The following VPS13C variants were observed in gnomAD, a reference collection of about 807,000 sequenced individuals.
VPS13C encodes intermembrane lipid transfer protein VPS13C.
In VPS13C, 358 loss-of-function variants were observed where a neutral mutation model predicts 456.8. The observed-to-expected ratio is 0.78, with a 90% confidence interval of 0.72 to 0.86. VPS13C has a LOEUF of 0.86. VPS13C is among the 40% of genes least tolerant of loss of function. VPS13C has a pLI of 0.00. For missense variants in VPS13C, 4,818 were observed against 4,385.4 expected, an observed-to-expected ratio of 1.10 and a Z score of -2.79; for synonymous variants, 1,578 against 1,486.7, an observed-to-expected ratio of 1.06 and a Z score of -1.41.
chr15:61,875,425 T>G (rs1269345664), intron 76 of VPS13C, among the ~76,000 whole-genome samples: 2 of 152,004 alleles, frequency 1.3e-5, no homozygotes, highest in African/African-American at 4.8e-5. Flanking sequence ...AAACTTTGCT[T>G]TCAGTGCCCT....
intron 5 of VPS13C, among the ~76,000 whole-genome samples, chr15:62,029,842 T>C (rs1327549139): frequency 2.0e-5 from 3 of 152,196 alleles, no homozygotes; most frequent in African/African-American, 7.2e-5. Context: ...AGTGTAGAAG[T>C]AAAACACAAA....
intron 3 of VPS13C, among the ~76,000 whole-genome samples, chr15:62,039,905 C>G (rs191164203): frequency 3.9e-4 from 60 of 152,244 alleles, no homozygotes; most frequent in Middle Eastern, 3.4e-3. Flanking sequence ...GATACCTATA[C>G]TCTCATGTTT....
chr15:61,994,750 C>T (rs180710278), intron 16 of VPS13C, among the ~76,000 whole-genome samples: 8 of 151,992 alleles, frequency 5.3e-5, no homozygotes, highest in Admixed American at 2.6e-4. Flanking sequence ...CCACCACACC[C>T]GGCTAATTTT....
intron 9 of VPS13C, among the ~76,000 whole-genome samples, chr15:62,015,501 C>G (rs2047202546): frequency 6.6e-6 from 1 of 150,768 alleles, no homozygotes; most frequent in South Asian, 2.1e-4. Context: ...GCACTATTCA[C>G]AATAGCAAAG....
intron 66 of VPS13C, among the ~76,000 whole-genome samples, chr15:61,894,577 A>G (rs2042748981): frequency 6.6e-6 from 1 of 152,140 alleles, no homozygotes; most frequent in South Asian, 2.1e-4. Flanking sequence ...AAAAAAGAGT[A>G]GGAGTAGCTA....
chr15:62,059,957 G>A (rs2048939363), intron 1 of VPS13C, among the ~76,000 whole-genome samples: 1 of 152,228 alleles, frequency 6.6e-6, no homozygotes, highest in Non-Finnish European at 1.5e-5. Flanking sequence ...AGGGCCAAAG[G>A]GGCCACCCTG....
chr15:62,012,037 T>C (rs1428238251), intron 12 of VPS13C, 70 bp downstream of exon 12: 9 of 953,576 alleles, frequency 9.4e-6, no homozygotes, highest in African/African-American at 1.7e-5. Context: ...ATCAGAAAAC[T>C]ATGTTAAAAT....
intron 65 of VPS13C, among the ~76,000 whole-genome samples, chr15:61,907,701 G>T (rs552881436): frequency 6.6e-6 from 1 of 152,338 alleles, no homozygotes; most frequent in South Asian, 2.1e-4. Context: ...TGGCTGTGAA[G>T]AGGAAATATG....
intron 1 of VPS13C, among the ~76,000 whole-genome samples, chr15:62,050,530 G>A (rs924888167): frequency 2.6e-5 from 4 of 152,198 alleles, no homozygotes; most frequent in South Asian, 2.1e-4. Context: ...GCAGTGAGTG[G>A]CTCATGCCTG....
intron 61 of VPS13C, among the ~76,000 whole-genome samples, chr15:61,914,956 C>T (rs544291259): frequency 7.0e-6 from 1 of 142,700 alleles, no homozygotes; most frequent in South Asian, 2.4e-4. Context: ...AGAACCACTA[C>T]TCCTGTACAA....
intron 66 of VPS13C, among the ~76,000 whole-genome samples, chr15:61,902,275 A>C (rs1280176734): frequency 1.3e-5 from 2 of 151,718 alleles, no homozygotes; most frequent in African/African-American, 2.4e-5. Context: ...AAAAGAAAAA[A>C]AACGTAAAAA....
intron 8 of VPS13C, 63 bp downstream of exon 8, chr15:62,023,347 GA>G (rs2047527582): frequency 9.8e-7 from 1 of 1,019,040 alleles, no homozygotes; most frequent in African/African-American, 1.7e-5. Context: ...TCCACATATA[GA>G]AAAGTCAAGA....
In VPS13C at chr15:61,991,767, A is replaced by C. The variant is rs764901519; in HGVS notation, c.1389T>G (p.Ser463=). ...CTCCACGTTTCTCGCCTGTGTCAGCAGACTTTTTCCTTAATTTTTGCCCAG... is the reference window on the plus strand; with the variant it reads ...CTCCACGTTTCTCGCCTGTGTCAGCCGACTTTTTCCTTAATTTTTGCCCAG... The part of the protein sequence containing the change: ...IRSGQKLRKK[S]ADTGEKRGGW... Residue 463 remains serine, a synonymous_variant, in exon 17 of 85, where the codon TCT becomes TCG. Transcript: ENST00000644861. 3 of 1,613,326 alleles carry C rather than the reference A, an allele frequency of 1.9e-6. No individual in the cohort carries two copies. In the East Asian group the frequency reaches 6.7e-5, roughly 36 times the overall value.
intron 61 of VPS13C, 22 bp from the exon 62 acceptor site, chr15:61,913,437 G>T: frequency 6.3e-7 from 1 of 1,578,526 alleles, no homozygotes; most frequent in Non-Finnish European, 8.7e-7. Flanking sequence ...AGCACATATC[G>T]TCATATAAGA....
At chr15:61,870,816 G>A (rs1398783749) in intron 79 of VPS13C, among the ~76,000 whole-genome samples, 1 of 152,130 alleles carries the variant, frequency 6.6e-6, no homozygotes, top group African/African-American at 2.4e-5. Context: ...CCCAGTAGGT[G>A]TGAAACGGTA....
At chr15:61,893,031 G>C (rs774999908) in intron 66 of VPS13C, among the ~76,000 whole-genome samples, 3 of 152,136 alleles carry the variant, frequency 2.0e-5, no homozygotes, top group Non-Finnish European at 4.4e-5. Flanking sequence ...TGGTGGTCAA[G>C]AGAGAGTTGA....
intron 45 of VPS13C, 59 bp downstream of exon 45, chr15:61,945,656 T>C: frequency 6.5e-6 from 9 of 1,382,158 alleles, no homozygotes; most frequent in Non-Finnish European, 8.8e-6. Context: ...CTAGGTTCAG[T>C]TGTATAAGCA....
chr15:61,883,544 G>A (rs1460112237), intron 68 of VPS13C, among the ~76,000 whole-genome samples: 1 of 152,112 alleles, frequency 6.6e-6, no homozygotes, highest in Non-Finnish European at 1.5e-5. Context: ...GAGCAAGCTG[G>A]AAATTGCAGT....
intron 20 of VPS13C, 94 bp from the exon 21 acceptor site, chr15:61,982,667 C>T (rs1385105682): frequency 2.5e-6 from 2 of 787,758 alleles, no homozygotes; most frequent in African/African-American, 3.5e-5. Context: ...ACAGCTGTAG[C>T]TTTGAACTGT....
Sources: allele counts gnomAD v4.1 joint callset (sites outside exome capture counted in the v4.1 genomes callset), GRCh38; gene constraint gnomAD v4.1.1; transcripts MANE v1.5; gene names NCBI Gene and HGNC (gene_info 2026-07-23, HGNC 2026-07-21).